LEMD1: variants seen among roughly 807,000 people sequenced by gnomAD.
The protein encoded by LEMD1 is LEM domain-containing protein 1.
LEMD1 carries 18 observed loss-of-function variants against 17.4 expected under a neutral mutation model. The observed-to-expected ratio is 1.04, with a 90% confidence interval of 0.72 to 1.54. The LOEUF (loss-of-function observed/expected upper bound fraction) is 1.54, where lower values mean the gene tolerates loss of function less well. Among genes scored for constraint, LEMD1 ranks in the 40% most tolerant of loss-of-function variants. LEMD1 has a pLI of 0.00. For missense variants in LEMD1, 195 were observed against 210.4 expected (o/e 0.93, Z 0.45); for synonymous variants, 88 against 77.8 (o/e 1.13, Z -0.69).
At chr1:205,436,911 G>C (rs1666218632) in intron 1 of LEMD1, 1 of 152,292 alleles carries the variant, frequency 6.6e-6, no homozygotes, top group South Asian at 2.1e-4. Flanking sequence ...CCTTTATAAT[G>C]CGTGCCTTCC....
intron 1 of LEMD1, among the ~76,000 whole-genome samples, chr1:205,430,694 A>G (rs1484821116): frequency 2.0e-5 from 3 of 152,098 alleles, no homozygotes; most frequent in African/African-American, 7.2e-5. Flanking sequence ...CCGCGCCCAC[A>G]CTGCCCCAGG....
At chr1:205,417,755 C>T (rs547028335) in intron 3 of LEMD1, among the ~76,000 whole-genome samples, 2 of 151,794 alleles carry the variant, frequency 1.3e-5, no homozygotes, top group Admixed American at 6.6e-5. Flanking sequence ...TTCAGAGGGC[C>T]CCAGGCACTT....
At chr1:205,388,539 G>A (rs1487867777) in intron 4 of LEMD1, among the ~76,000 whole-genome samples, 6 of 152,124 alleles carry the variant, frequency 3.9e-5, no homozygotes, top group African/African-American at 9.7e-5. Flanking sequence ...TACAGTCACC[G>A]TTTTACAGAG....
At chr1:205,417,438 A>G (rs1244176114) in intron 3 of LEMD1, among the ~76,000 whole-genome samples, 1 of 152,198 alleles carries the variant, frequency 6.6e-6, no homozygotes, top group Admixed American at 6.5e-5. Flanking sequence ...AGTCGTGAAC[A>G]GTTCTGAAAT....
chr1:205,398,655 C>T (rs1664697894), intron 4 of LEMD1, among the ~76,000 whole-genome samples: 1 of 152,036 alleles, frequency 6.6e-6, no homozygotes, highest in Non-Finnish European at 1.5e-5. Flanking sequence ...GCCTGGAGGC[C>T]AAGAAATGGA....
chr1:205,422,958 C>T (rs1666001706), upstream of LEMD1, among the ~76,000 whole-genome samples: 2 of 152,160 alleles, frequency 1.3e-5, no homozygotes, highest in Admixed American at 6.5e-5. Flanking sequence ...TATCAAAGGG[C>T]TATGTTATTC....
intron 1 of LEMD1, among the ~76,000 whole-genome samples, chr1:205,443,901 C>A (rs1666338828): frequency 6.6e-6 from 1 of 152,168 alleles, no homozygotes; most frequent in Non-Finnish European, 1.5e-5. Flanking sequence ...TGGGGAGTCC[C>A]TCTGCCAGGC....
intron 1 of LEMD1, among the ~76,000 whole-genome samples, chr1:205,439,303 G>A (rs1326502654): frequency 6.6e-6 from 1 of 152,226 alleles, no homozygotes; most frequent in Admixed American, 6.5e-5. Flanking sequence ...GATATAAAAG[G>A]AAATAACAGA....
chr1:205,401,009 C>T (rs1182606342), intron 4 of LEMD1, among the ~76,000 whole-genome samples: 1 of 151,704 alleles, frequency 6.6e-6, no homozygotes, highest in East Asian at 1.9e-4. Flanking sequence ...ACCCATGTCC[C>T]TACAAAGGAC....
upstream of LEMD1, among the ~76,000 whole-genome samples, chr1:205,424,412 A>G (rs1666029810): frequency 6.6e-6 from 1 of 152,214 alleles, no homozygotes; most frequent in Admixed American, 6.5e-5. Flanking sequence ...TTAGCTGATC[A>G]ATTTCTTTCA....
At chr1:205,434,362 T>A (rs562389818) in intron 1 of LEMD1, among the ~76,000 whole-genome samples, 1 of 144,648 alleles carries the variant, frequency 6.9e-6, no homozygotes, top group African/African-American at 2.5e-5. Flanking sequence ...TATATATATA[T>A]TATATATATA....
At chr1:205,408,293 G>C (rs974580081) in intron 4 of LEMD1, among the ~76,000 whole-genome samples, 2 of 151,268 alleles carry the variant, frequency 1.3e-5, no homozygotes, top group African/African-American at 4.9e-5. Flanking sequence ...TCTGCAATTT[G>C]CTCTCAAATC....
chr1:205,396,303 T>G (rs889772028), intron 4 of LEMD1, among the ~76,000 whole-genome samples: 1 of 152,248 alleles, frequency 6.6e-6, no homozygotes, highest in Non-Finnish European at 1.5e-5. Context: ...TTAGCTACCA[T>G]GCCCAGCCCC....
At chr1:205,442,566 AGCGTCCCG>A in intron 1 of LEMD1, among the ~76,000 whole-genome samples, 1 of 152,320 alleles carries the variant, frequency 6.6e-6, no homozygotes, top group East Asian at 1.9e-4. Flanking sequence ...TCAGCCTCTC[AGCGTCCCG>A]GTAATACAGC....
At chr1:205,409,433 A>G (rs1227604952) in intron 4 of LEMD1, among the ~76,000 whole-genome samples, 2 of 152,146 alleles carry the variant, frequency 1.3e-5, no homozygotes, top group Non-Finnish European at 2.9e-5. Context: ...TTACATATAC[A>G]TATACTACCC....
At chr1:205,444,666 C>T (rs1666352673) in intron 1 of LEMD1, among the ~76,000 whole-genome samples, 1 of 152,166 alleles carries the variant, frequency 6.6e-6, no homozygotes, top group South Asian at 2.1e-4. Flanking sequence ...CCCAGGCTTG[C>T]AGACCACAAA....
chr1:205,430,869 T>G (rs573940541), intron 1 of LEMD1, among the ~76,000 whole-genome samples: 1 of 152,228 alleles, frequency 6.6e-6, no homozygotes. Context: ...AAAATAACTA[T>G]TTTGACAGTT....
intron 1 of LEMD1, among the ~76,000 whole-genome samples, chr1:205,440,037 C>T (rs796873969): frequency 3.6e-4 from 54 of 152,086 alleles, no homozygotes; most frequent in African/African-American, 1.2e-3. Flanking sequence ...CTGAAGGCAC[C>T]ACATATGAAC....
chr1:205,442,760 T>C (rs933170339), intron 1 of LEMD1, among the ~76,000 whole-genome samples: 6 of 152,184 alleles, frequency 3.9e-5, no homozygotes, highest in Non-Finnish European at 7.3e-5. Flanking sequence ...ACCTCCAGGA[T>C]ATATATAGAG....
Sources: gnomAD v4.1 joint callset for allele counts (sites outside exome capture counted in the v4.1 genomes callset) on GRCh38, gnomAD v4.1.1 for gene constraint, MANE v1.5 for transcripts, NCBI Gene and HGNC (gene_info 2026-07-23, HGNC 2026-07-21) for gene names.